The following PARP1 variants were observed in gnomAD, a reference collection of about 807,000 sequenced individuals.
The protein encoded by PARP1 is poly(ADP-ribose) polymerase 1.
Under a neutral mutation model 118.7 loss-of-function variants are expected in PARP1, and 44 were observed. The ratio of observed to expected loss-of-function variants is 0.37; its 90% CI spans 0.29 to 0.48. The LOEUF (loss-of-function observed/expected upper bound fraction) is 0.48. PARP1 is among the 20% of genes least tolerant of loss of function. The probability of loss-of-function intolerance (pLI) is 0.99; values close to 1 mark genes in which losing one functional copy is unlikely to be tolerated. For synonymous variants in PARP1, 492 were observed against 483.2 expected, an observed-to-expected ratio of 1.02 and a Z score of -0.24; for missense variants, 1,100 against 1,272.4, an observed-to-expected ratio of 0.86 and a Z score of 2.06.
intron 19 of PARP1, 99 bp downstream of exon 19, chr1:226,364,903 A>G: frequency 7.5e-7 from 1 of 1,331,598 alleles, no homozygotes; most frequent in Non-Finnish European, 1.1e-6. Context: ...GATGTCTGGC[A>G]GAATCCCCCT....
chr1:226,395,867 T>TA (rs1664905774), intron 2 of PARP1, among the ~76,000 whole-genome samples: 1 of 152,140 alleles, frequency 6.6e-6, no homozygotes, highest in African/African-American at 2.4e-5. Context: ...CATGAGGTGC[T>TA]AGAGTTGTCA....
chr1:226,388,685 T>C lies in PARP1; in HGVS notation c.688A>G (p.Lys230Glu), dbSNP rs1304546998. ...AKKKSKKEKD[K>E]DSKLEKALKA... ...AGGGCTTTTTCAAGCTTACTATCCT[T>C]GTCTTTTTCTTTTTTAGATTTCTTC... The change falls in exon 5 of 23, where the codon AAG becomes GAG. Residue 230 changes from lysine to glutamate, a missense_variant. Physicochemically the swap from Lys to Glu is moderately conservative, Grantham distance 56. Coordinates refer to ENST00000366794, the MANE Select transcript of PARP1 (RefSeq NM_001618.4). 5 of 1,613,470 alleles carry C rather than the reference T, an allele frequency of 3.1e-6. No individual in the cohort carries two copies. Among genetic ancestry groups the C allele is most frequent in the Non-Finnish European group, 4.2e-6 (5 of 1,179,516 alleles).
intron 21 of PARP1, 199 bp from the exon 22 acceptor site, chr1:226,362,282 T>C: frequency 1.9e-6 from 1 of 535,200 alleles, no homozygotes; most frequent in Non-Finnish European, 3.4e-6. Context: ...GCCTCCCGGA[T>C]TCAAGCAATT....
At chr1:226,370,916 T>C in intron 14 of PARP1, 1 of 272,998 alleles carries the variant, frequency 3.7e-6, no homozygotes, top group Non-Finnish European at 7.3e-6. Flanking sequence ...AGGCAGTTAG[T>C]TAAGTGCACC....
At chr1:226,394,952 C>T (rs1664887375) in intron 2 of PARP1, among the ~76,000 whole-genome samples, 1 of 152,112 alleles carries the variant, frequency 6.6e-6, no homozygotes, top group East Asian at 1.9e-4. Context: ...TGAAATTTAG[C>T]AAAACCTCAC....
At chr1:226,384,242 A>G (rs1463185423) in intron 7 of PARP1, among the ~76,000 whole-genome samples, 3 of 152,176 alleles carry the variant, frequency 2.0e-5, no homozygotes, top group African/African-American at 7.2e-5. Flanking sequence ...AAAAAGAATG[A>G]GCAAGACTGG....
chr1:226,399,776 G>C (rs1664992374), intron 2 of PARP1, among the ~76,000 whole-genome samples: 1 of 152,232 alleles, frequency 6.6e-6, no homozygotes, highest in Admixed American at 6.5e-5. Flanking sequence ...GACCACTCTG[G>C]TGGCGATGTT....
In PARP1 at chr1:226,383,176, C is replaced by T. The variant is rs552938819; in HGVS notation, c.1019G>A (p.Arg340Gln). ...CAATTTCTTGAGGTAAGAGATTTCT[C>T]GGAATTCCTAAAAAATATTAAGTTT... The part of the protein sequence containing the change: ...RKEWVTPKEF[R>Q]EISYLKKLKV... The change falls in exon 8 of 23, where the codon CGA (arginine) becomes CAA (glutamine). Residue 340 changes from arginine to glutamine, a missense_variant. This residue lies in a region of PARP1 where 948 missense variants were observed against 1,031.8 expected (regional missense o/e 0.92). Coordinates refer to ENST00000366794, the MANE Select transcript of PARP1 (RefSeq NM_001618.4). The T allele has an allele frequency of 8.7e-6, 14 of 1,612,738 alleles. No homozygotes were observed. The highest frequency in any genetic ancestry group is 6.7e-5 in the Admixed American group (4 of 60,010).
At chr1:226,374,493 G>A (rs1023829499) in intron 13 of PARP1, 139 bp from the exon 14 acceptor site, 1 of 975,854 alleles carries the variant, frequency 1.0e-6, no homozygotes. Context: ...AATCAAAAAG[G>A]TGTGGAAAAC....
chr1:226,362,049 G>C lies in PARP1; in HGVS notation c.2883C>G (p.Asn961Lys), dbSNP rs1400222446. Residue 961 changes from asparagine (N) to lysine (K), a missense_variant, in exon 22 of 23, where the codon AAC becomes AAG. By Grantham distance (94) the Asn-to-Lys change is moderately conservative (BLOSUM62 0). Coordinates refer to ENST00000366794, the MANE Select transcript of PARP1 (RefSeq NM_001618.4). Reference sequence around the variant, plus strand: ...GAACGTCTACACCATCCAGACTAATGTTAGCTGAAGGATCAGGGGTAGTTT... The same window carrying C: ...GAACGTCTACACCATCCAGACTAATCTTAGCTGAAGGATCAGGGGTAGTTT... ...LGKTTPDPSA[N>K]ISLDGVDVPL... 1 of 1,613,786 alleles carries C rather than the reference G, an allele frequency of 6.2e-7. No homozygotes were observed. The highest frequency in any genetic ancestry group is 8.5e-7 in the Non-Finnish European group (1 of 1,179,638).
intron 2 of PARP1, chr1:226,392,976 A>T: frequency 6.4e-7 from 1 of 1,557,100 alleles, no homozygotes; most frequent in Non-Finnish European, 8.6e-7. Context: ...ATGGTATTGG[A>T]GGTTCTAGTA....
intron 19 of PARP1, 131 bp from the exon 20 acceptor site, chr1:226,364,201 C>G: frequency 2.3e-6 from 2 of 878,682 alleles, no homozygotes; most frequent in Admixed American, 1.8e-5. Context: ...CTCACAATGC[C>G]CATGGTGAGG....
At chr1:226,366,187 T>C (rs1413673238) in intron 17 of PARP1, 135 bp from the exon 18 acceptor site, 2 of 703,594 alleles carry the variant, frequency 2.8e-6, no homozygotes, top group Non-Finnish European at 5.2e-6. Flanking sequence ...AGAGCCTGTG[T>C]CCCAGGCCTG....
intron 1 of PARP1, 103 bp downstream of exon 1, chr1:226,407,707 C>CCGGGCT (rs3046771): frequency 1.6e-6 from 2 of 1,227,296 alleles, no homozygotes; most frequent in Non-Finnish European, 2.2e-6. Flanking sequence ...CTCCGAGGGC[C>CCGGGCT]CGGGCCCGCT....
chr1:226,407,651 C>A (rs990518097), intron 1 of PARP1, among the ~76,000 whole-genome samples, 159 bp downstream of exon 1: 8 of 152,108 alleles, frequency 5.3e-5, no homozygotes, highest in Admixed American at 1.3e-4. Flanking sequence ...TCGGCCGGGC[C>A]GCTCGGGAGG....
rs776996674 is a variant in PARP1, at chr1:226,379,095, G to A, written c.1745+47C>T. Reference sequence around the variant, plus strand: ...GATGGCACAGCACTAACCAATGCAGGACGGGCCCATGTCTCTGCACAACCA... The same window carrying A: ...GATGGCACAGCACTAACCAATGCAGAACGGGCCCATGTCTCTGCACAACCA... On this transcript the variant is annotated intron_variant, in intron 12 of 22. Transcript: ENST00000366794. The A allele has an allele frequency of 3.1e-6, 5 of 1,612,404 alleles. No individual in the cohort carries two copies. In the African/African-American group the frequency reaches 4.0e-5, roughly 13 times the overall value.
intron 14 of PARP1, 143 bp from the exon 15 acceptor site, chr1:226,370,660 A>C: frequency 1.4e-6 from 1 of 716,138 alleles, no homozygotes; most frequent in Non-Finnish European, 2.5e-6. Flanking sequence ...CCAGTGACCC[A>C]AATCCAGAGT....
intron 8 of PARP1, among the ~76,000 whole-genome samples, chr1:226,381,859 C>T (rs1664616357): frequency 6.6e-6 from 1 of 152,186 alleles, no homozygotes; most frequent in African/African-American, 2.4e-5. Context: ...TTCCTGCCTT[C>T]CCTGTGAGGG....
intron 18 of PARP1, 151 bp downstream of exon 18, chr1:226,365,803 A>AC (rs1664252933): frequency 6.5e-5 from 42 of 642,578 alleles, no homozygotes; most frequent in Middle Eastern, 3.4e-4. Flanking sequence ...CAAAAAAAAA[A>AC]CTACTAATTT....
Sources: gnomAD v4.1 joint callset for allele counts (sites outside exome capture counted in the v4.1 genomes callset) on GRCh38, gnomAD v4.1.1 for gene constraint, gnomAD v4.1.1 regional missense constraint, MANE v1.5 for transcripts, NCBI Gene and HGNC (gene_info 2026-07-23, HGNC 2026-07-21) for gene names.